Variants in OPCML observed in about 807,000 individuals in gnomAD.
OPCML encodes opioid binding protein/cell adhesion molecule like, also known as opioid-binding protein/cell adhesion molecule.
OPCML carries 13 observed loss-of-function variants against 37.8 expected under a neutral mutation model. That is an observed-to-expected ratio of 0.34 (90% CI 0.22 to 0.55). The LOEUF (loss-of-function observed/expected upper bound fraction) is 0.55. Ranked by LOEUF, OPCML falls within the 20% of genes least tolerant of loss-of-function variation. The pLI is 0.91. For synonymous variants in OPCML, 176 were observed against 168.8 expected, an observed-to-expected ratio of 1.04 and a Z score of -0.33; for missense variants, 341 against 435.6, an observed-to-expected ratio of 0.78 and a Z score of 1.93.
At chr11:133,027,343 A>G (rs1422919630) in intron 1 of OPCML, among the ~76,000 whole-genome samples, 3 of 152,252 alleles carry the variant, frequency 2.0e-5, no homozygotes, top group African/African-American at 7.2e-5. Context: ...AGCAAAATTT[A>G]GCTCTTATTG....
At chr11:132,663,449 G>A (rs1489209195) in intron 2 of OPCML, among the ~76,000 whole-genome samples, 1 of 152,138 alleles carries the variant, frequency 6.6e-6, no homozygotes, top group Admixed American at 6.5e-5. Flanking sequence ...TTTCAATTTA[G>A]TGTTTTCATT....
At chr11:132,932,869 T>C (rs1565349734) in intron 2 of OPCML, among the ~76,000 whole-genome samples, 1 of 152,126 alleles carries the variant, frequency 6.6e-6, no homozygotes, top group African/African-American at 2.4e-5. Context: ...TTCCTTATTT[T>C]TTTTTAATCA....
intron 1 of OPCML, among the ~76,000 whole-genome samples, chr11:133,179,312 T>A (rs1457287800): frequency 1.3e-5 from 2 of 152,154 alleles, no homozygotes; most frequent in Admixed American, 6.5e-5. Flanking sequence ...ATGCCCCTAG[T>A]CTAGGATAAT....
intron 1 of OPCML, among the ~76,000 whole-genome samples, chr11:133,356,971 T>C (rs1205467522): frequency 6.6e-6 from 1 of 152,174 alleles, no homozygotes; most frequent in East Asian, 1.9e-4. Context: ...AACTAGCTAA[T>C]CCCACTCAAG....
chr11:132,886,140 A>G (rs1394278551), intron 2 of OPCML, among the ~76,000 whole-genome samples: 1 of 152,270 alleles, frequency 6.6e-6, no homozygotes, highest in East Asian at 1.9e-4. Flanking sequence ...AACTAGTCCC[A>G]TATCAATAAA....
In OPCML at chr11:132,838,932, G is replaced by T. The variant is rs184968326; in HGVS notation, c.146+103994C>A. Among the ~76,000 whole-genome samples the T allele has an allele frequency of 2.7e-3, 406 of 152,232 alleles. 1 individual carries two copies. The highest frequency in any genetic ancestry group is 6.0e-3 in the South Asian group (29 of 4,820). Reference sequence around the variant, plus strand: ...GCTTGTTAATTTGTGGCAGGAAGGAGGTCCTTAAGAATTTGTTCTAGAACA... The same window carrying T: ...GCTTGTTAATTTGTGGCAGGAAGGATGTCCTTAAGAATTTGTTCTAGAACA... On this transcript the variant is annotated intron_variant, in intron 2 of 7. Coordinates refer to ENST00000524381, the MANE Select transcript of OPCML (RefSeq NM_001012393.5).
chr11:133,055,456 T>C (rs77631932), intron 1 of OPCML, among the ~76,000 whole-genome samples: 584 of 70,966 alleles, frequency 8.2e-3, no homozygotes, highest in Middle Eastern at 0.068. Flanking sequence ...TGGTGAGACT[T>C]CATGAGGGAG....
chr11:133,261,018 T>C (rs1409483424), intron 1 of OPCML, among the ~76,000 whole-genome samples: 1 of 152,158 alleles, frequency 6.6e-6, no homozygotes, highest in Non-Finnish European at 1.5e-5. Flanking sequence ...CCAGCTCCAT[T>C]TGGTTTATAA....
chr11:133,507,199 C>A (rs1295829253), intron 1 of OPCML, among the ~76,000 whole-genome samples: 1 of 152,132 alleles, frequency 6.6e-6, no homozygotes, highest in African/African-American at 2.4e-5. Context: ...TGAAGAGGGC[C>A]CCAGCAAAGC....
chr11:133,277,783 TG>T (rs1233821548), intron 1 of OPCML, among the ~76,000 whole-genome samples: 1 of 151,982 alleles, frequency 6.6e-6, no homozygotes, highest in Non-Finnish European at 1.5e-5. Context: ...TATATATATA[TG>T]TATAATATAC....
intron 1 of OPCML, among the ~76,000 whole-genome samples, chr11:133,049,947 G>C (rs1948099434): frequency 6.6e-6 from 1 of 152,196 alleles, no homozygotes; most frequent in Admixed American, 6.5e-5. Context: ...GCTGATCTAG[G>C]TGCTCCTGTA....
At chr11:133,006,548 C>T (rs964221045) in intron 1 of OPCML, 1 of 985,328 alleles carries the variant, frequency 1.0e-6, no homozygotes, top group Non-Finnish European at 1.2e-6. Context: ...AACTCGGGAA[C>T]TTTGCACAAA....
At chr11:133,467,491 T>C (rs1947002889) in intron 1 of OPCML, among the ~76,000 whole-genome samples, 1 of 152,182 alleles carries the variant, frequency 6.6e-6, no homozygotes, top group African/African-American at 2.4e-5. Flanking sequence ...CAGTTAGGTA[T>C]TGCATGTCTA....
chr11:132,672,799 C>G (rs562474099), intron 2 of OPCML, among the ~76,000 whole-genome samples: 44 of 152,256 alleles, frequency 2.9e-4, no homozygotes, highest in Admixed American at 1.5e-3. Flanking sequence ...ACATATTTAG[C>G]TTGGTTCTTC....
At chr11:133,052,810 G>A (rs1948155287) in intron 1 of OPCML, among the ~76,000 whole-genome samples, 1 of 152,206 alleles carries the variant, frequency 6.6e-6, no homozygotes, top group East Asian at 1.9e-4. Flanking sequence ...CCAGCACATG[G>A]GGAACCTGCC....
rs547259332 is a variant in OPCML at position 132,445,201 on chromosome 11, G to A, written c.506-7842C>T. Among the ~76,000 whole-genome samples, 15 of 152,326 alleles carry A rather than the reference G, an allele frequency of 9.8e-5. No individual in the cohort carries two copies. In the South Asian group the frequency reaches 2.9e-3, roughly 29 times the overall value. ...TGTGAAAGTTAACTGTGCTTCCAGTGGGGGAAGGAGTACATTAATAAAGAT... is the reference window on the plus strand; with the variant it reads ...TGTGAAAGTTAACTGTGCTTCCAGTAGGGGAAGGAGTACATTAATAAAGAT... On this transcript the variant is annotated intron_variant, in intron 4 of 7. Transcript: ENST00000524381.
At chr11:132,507,958 A>G (rs962020185) in intron 4 of OPCML, among the ~76,000 whole-genome samples, 2 of 152,284 alleles carry the variant, frequency 1.3e-5, no homozygotes, top group Non-Finnish European at 2.9e-5. Context: ...ATCTAAGAAG[A>G]AAATTTGATA....
At chr11:133,049,403 T>A (rs1172954525) in intron 1 of OPCML, among the ~76,000 whole-genome samples, 2 of 152,076 alleles carry the variant, frequency 1.3e-5, no homozygotes, top group African/African-American at 4.8e-5. Context: ...GGACTTGGAA[T>A]TGGAAGATCT....
chr11:132,477,674 G>A (rs956466202), intron 4 of OPCML, among the ~76,000 whole-genome samples: 10 of 152,172 alleles, frequency 6.6e-5, no homozygotes, highest in Admixed American at 1.3e-4. Flanking sequence ...CAAATTCATC[G>A]GGAATGAACA....
Sources: allele counts gnomAD v4.1 joint callset (sites outside exome capture counted in the v4.1 genomes callset), GRCh38; gene constraint gnomAD v4.1.1; transcripts MANE v1.5; gene names NCBI Gene and HGNC (gene_info 2026-07-23, HGNC 2026-07-21).